The following DAB1 variants were observed in gnomAD, a reference collection of about 807,000 sequenced individuals.
DAB1 encodes the protein disabled homolog 1.
DAB1 carries 15 observed loss-of-function variants against 64.6 expected under a neutral mutation model. The ratio of observed to expected loss-of-function variants is 0.23; its 90% confidence interval spans 0.16 to 0.36. The LOEUF (loss-of-function observed/expected upper bound fraction) is 0.36. Among genes scored for constraint, DAB1 ranks in the 10% least tolerant of loss-of-function variants. The pLI, the probability that DAB1 is intolerant of heterozygous loss-of-function variation, is 1.00. For missense variants in DAB1, 596 were observed against 706.7 expected (o/e 0.84, Z 1.78); for synonymous variants, 235 against 251.9 (o/e 0.93, Z 0.64).
intron 1 of DAB1, among the ~76,000 whole-genome samples, chr1:57,843,566 C>T (rs1036397482): frequency 6.6e-6 from 1 of 152,154 alleles, no homozygotes; most frequent in Admixed American, 6.5e-5. Context: ...TATTCTTAGA[C>T]ATCAGCCAAA....
intron 1 of DAB1, among the ~76,000 whole-genome samples, chr1:57,829,268 CT>C (rs1360998109): frequency 2.6e-5 from 4 of 152,252 alleles, no homozygotes; most frequent in Middle Eastern, 3.4e-3. Context: ...AAGAAGTTCG[CT>C]TAAGAAAAAT....
At chr1:57,108,282 A>G (rs904453006) in intron 4 of DAB1, among the ~76,000 whole-genome samples, 3 of 152,182 alleles carry the variant, frequency 2.0e-5, no homozygotes, top group African/African-American at 7.2e-5. Context: ...GACTAATCCA[A>G]ATGAATTCTT....
intron 5 of DAB1, among the ~76,000 whole-genome samples, chr1:58,092,328 G>A (rs555434523): frequency 2.4e-4 from 30 of 122,832 alleles, no homozygotes; most frequent in South Asian, 1.9e-3. Context: ...GCAAGACTCC[G>A]TCTCAAAAAA....
intron 7 of DAB1, among the ~76,000 whole-genome samples, chr1:57,439,870 C>A (rs1685874922): frequency 6.6e-6 from 1 of 152,136 alleles, no homozygotes; most frequent in Admixed American, 6.5e-5. Context: ...TTTCAATAAA[C>A]ATGGTACTGG....
chr1:58,231,564 G>A (rs1333213947), intron 4 of DAB1, among the ~76,000 whole-genome samples: 1 of 152,216 alleles, frequency 6.6e-6, no homozygotes, highest in Non-Finnish European at 1.5e-5. Context: ...ACTAAGGTAT[G>A]AGGACAGGAG....
At chr1:57,139,777 A>C (rs6697460) in intron 3 of DAB1, among the ~76,000 whole-genome samples, 10,034 of 152,146 alleles carry the variant, frequency 0.066, 1,058 homozygotes, top group African/African-American at 0.23. Context: ...TGCTGGTGTC[A>C]AGTAGCTACC....
chr1:57,979,036 C>G (rs1645995325), intron 5 of DAB1, among the ~76,000 whole-genome samples: 1 of 152,088 alleles, frequency 6.6e-6, no homozygotes, highest in Admixed American at 6.6e-5. Context: ...CTAGAAATAC[C>G]ATTTGACCCA....
intron 6 of DAB1, among the ~76,000 whole-genome samples, chr1:57,817,706 C>T (rs1651932945): frequency 6.6e-6 from 1 of 152,196 alleles, no homozygotes; most frequent in Non-Finnish European, 1.5e-5. Flanking sequence ...CGGCCTATTT[C>T]CTATCCATAA....
intron 4 of DAB1, among the ~76,000 whole-genome samples, chr1:57,098,024 G>A (rs1052190120): frequency 1.3e-5 from 2 of 152,022 alleles, no homozygotes; most frequent in Non-Finnish European, 2.9e-5. Flanking sequence ...TGATCTGCCC[G>A]CCTCAGCCTC....
intron 5 of DAB1, among the ~76,000 whole-genome samples, chr1:57,924,824 T>C (rs146336582): frequency 1.2e-4 from 18 of 152,052 alleles, no homozygotes; most frequent in African/African-American, 4.3e-4. Context: ...TAATTGATCC[T>C]CCTTCAAATG....
intron 7 of DAB1, among the ~76,000 whole-genome samples, chr1:57,604,313 T>G (rs1368597835): frequency 6.6e-6 from 1 of 152,198 alleles, no homozygotes; most frequent in Non-Finnish European, 1.5e-5. Context: ...CTGTGTTTAC[T>G]CCATGAGATT....
At chr1:57,075,651 T>C (rs1054093494) in intron 4 of DAB1, among the ~76,000 whole-genome samples, 1 of 152,230 alleles carries the variant, frequency 6.6e-6, no homozygotes, top group African/African-American at 2.4e-5. Flanking sequence ...GATTGCCCCA[T>C]GTCTTCAAGT....
intron 3 of DAB1, among the ~76,000 whole-genome samples, chr1:58,457,722 T>C (rs534294854): frequency 3.7e-4 from 56 of 152,310 alleles, no homozygotes; most frequent in Middle Eastern, 3.4e-3. Flanking sequence ...GGGCTTCCTG[T>C]CCTCTGTGGC....
chr1:57,011,359 T>G, intron 12 of DAB1, 87 bp from the exon 13 acceptor site: 1 of 1,490,372 alleles, frequency 6.7e-7, no homozygotes, highest in Admixed American at 2.1e-5. Flanking sequence ...TCTGCTTATA[T>G]TGAAGTCAAA....
intron 2 of DAB1, among the ~76,000 whole-genome samples, chr1:57,285,628 C>T (rs1228222711): frequency 6.6e-6 from 1 of 152,110 alleles, no homozygotes; most frequent in African/African-American, 2.4e-5. Flanking sequence ...AATACACAAA[C>T]CCCTCCCTTT....
chr1:57,209,259 A>G (rs1225922159), intron 2 of DAB1, among the ~76,000 whole-genome samples: 1 of 152,240 alleles, frequency 6.6e-6, no homozygotes, highest in East Asian at 1.9e-4. Flanking sequence ...TATTCATTCT[A>G]ACAGCATTTA....
chr1:58,000,344 C>T (rs1187988), intron 5 of DAB1, among the ~76,000 whole-genome samples: 77,065 of 151,976 alleles, frequency 0.51, 19,990 homozygotes, highest in South Asian at 0.68. Context: ...TGGACAATTA[C>T]CAGACTGTAA....
intron 5 of DAB1, among the ~76,000 whole-genome samples, chr1:57,918,831 AAAAG>A (rs945948415): frequency 2.0e-5 from 3 of 152,094 alleles, no homozygotes; most frequent in African/African-American, 7.2e-5. Context: ...CTCAAAAAAA[AAAAG>A]AGAAAGGCAC....
intron 1 of DAB1, among the ~76,000 whole-genome samples, chr1:57,403,406 T>C (rs35664891): frequency 0.11 from 16,705 of 152,256 alleles, 1,006 homozygotes; most frequent in Admixed American, 0.13. Flanking sequence ...GATGGAGCTC[T>C]TGGCTCTAGC....
Sources: allele counts gnomAD v4.1 joint callset (sites outside exome capture counted in the v4.1 genomes callset), GRCh38; gene constraint gnomAD v4.1.1; transcripts MANE v1.5; gene names NCBI Gene and HGNC (gene_info 2026-07-23, HGNC 2026-07-21).